The following PARVG variants were observed in gnomAD, a reference collection of about 807,000 sequenced individuals.
PARVG encodes parvin gamma.
PARVG carries 36 observed loss-of-function variants against 44.4 expected under a neutral mutation model. The observed-to-expected ratio is 0.81, with a 90% confidence interval of 0.62 to 1.07. The LOEUF is 1.07. PARVG is among the 50% of genes least tolerant of loss of function. The probability of loss-of-function intolerance (pLI) is 0.00; values close to 1 mark genes in which losing one functional copy is unlikely to be tolerated. For synonymous variants in PARVG, 170 were observed against 174.1 expected (o/e 0.98, Z 0.19); for missense variants, 407 against 407.4 (o/e 1.00, Z 0.01).
chr22:44,203,464 C>T (rs575029855), intron 12 of PARVG, among the ~76,000 whole-genome samples: 68 of 152,222 alleles, frequency 4.5e-4, no homozygotes, highest in African/African-American at 1.2e-3. Context: ...TTTCTAAAAA[C>T]GTTTGGCCAC....
Position 44,196,155 on chromosome 22 carries a change from A to G in PARVG, c.584A>G (p.Lys195Arg). Residue 195 changes from lysine (K) to arginine (R), a missense_variant and splice_region_variant, in exon 10 of 14, where the codon AAG (lysine) becomes AGG (arginine). By Grantham distance (26) the Lys-to-Arg change is conservative (BLOSUM62 2). Coordinates refer to ENST00000444313, the MANE Select transcript of PARVG (RefSeq NM_022141.7). ...EYSTDKDEPP[K>R]DVFDELFKLA... ...GTGTTTATTGGATCTGTGTCTGCAG[A>G]GGACGTCTTTGATGAATTATTTAAG... 1.2e-6 allele frequency: 2 copies of G among 1,614,164 alleles called. No homozygotes were observed. Among genetic ancestry groups the G allele is most frequent in the South Asian group, 2.2e-5 (2 of 91,080 alleles).
At chr22:44,187,713 C>T in intron 4 of PARVG, 63 bp from the exon 5 acceptor site, 1 of 1,515,300 alleles carries the variant, frequency 6.6e-7, no homozygotes, top group Non-Finnish European at 9.2e-7. Context: ...GCATTCTGAG[C>T]CAGGTGGAGG....
In PARVG at chr22:44,182,827, C is replaced by A. The variant is rs1266051611; in HGVS notation, c.-12-491C>A. 1.3e-5 allele frequency among the ~76,000 whole-genome samples: 2 copies of A among 152,184 alleles called. No homozygotes were observed. Among genetic ancestry groups the A allele is most frequent in the Non-Finnish European group, 2.9e-5 (2 of 68,024 alleles). ...GGAAGATGAACAGTGCCTCTGTCAACCCTGGCCCTTCCGGTTTATGGGATG... is the reference window on the plus strand; with the variant it reads ...GGAAGATGAACAGTGCCTCTGTCAAACCTGGCCCTTCCGGTTTATGGGATG... On this transcript the variant is annotated intron_variant, in intron 2 of 13. Coordinates refer to ENST00000444313, the MANE Select transcript of PARVG (RefSeq NM_022141.7). This position sits in a 1 kb window ranked among gnomAD's most constrained non-coding sequence, Gnocchi z 4.6.
chr22:44,189,118 G>T lies in PARVG; in HGVS notation c.252G>T (p.Arg84Ser). Residue 84 changes from arginine (R) to serine (S), a missense_variant, in exon 6 of 14, where the codon AGG (arginine) becomes AGT (serine). Arg to Ser is a moderately radical substitution (Grantham distance 110). Coordinates refer to ENST00000444313, the MANE Select transcript of PARVG (RefSeq NM_022141.7). ...ACCACCCTCTCCTGCCTCCAGAGAG[G>T]CTGGCGGCGCTCAAGCTGGAAGCAG... ...DGLILHHLFQ[R>S]LAALKLEAED... 1 of 1,613,510 alleles carries T rather than the reference G, an allele frequency of 6.2e-7. No homozygotes were observed. Among genetic ancestry groups the T allele is most frequent in the Non-Finnish European group, 8.5e-7 (1 of 1,179,972 alleles).
At chr22:44,205,711 G>A in intron 12 of PARVG, 46 bp from the exon 13 acceptor site, 1 of 1,607,568 alleles carries the variant, frequency 6.2e-7, no homozygotes, top group Non-Finnish European at 8.5e-7. Context: ...GGCCTGGCCT[G>A]GGGCTGCTGC....
chr22:44,192,665 C>A lies in PARVG; in HGVS notation c.560+561C>A, dbSNP rs1007274125. Among the ~76,000 whole-genome samples, 3 of 151,656 alleles carry A rather than the reference C, an allele frequency of 2.0e-5. 1 individual carries two copies. The highest frequency in any genetic ancestry group is 7.3e-5 in the African/African-American group (3 of 41,256). The stretch of plus-strand genomic sequence containing the variant: ...GCCCACTGGGCATGGCCACCTGCTC[C>A]CCACCTACTGGGGTTGACCATCCTG... On this transcript the variant is annotated intron_variant, in intron 8 of 13. Coordinates refer to ENST00000444313, the MANE Select transcript of PARVG (RefSeq NM_022141.7).
intron 11 of PARVG, among the ~76,000 whole-genome samples, chr22:44,197,498 C>A (rs888789138): frequency 6.6e-6 from 1 of 152,182 alleles, no homozygotes; most frequent in Non-Finnish European, 1.5e-5. Context: ...GTGCTTATAA[C>A]CACCTCACAT....
At chr22:44,189,085 G>T in intron 5 of PARVG, 29 bp from the exon 6 acceptor site, 1 of 1,613,510 alleles carries the variant, frequency 6.2e-7, no homozygotes, top group South Asian at 1.1e-5. Context: ...CCCCGGCCAG[G>T]GGTCCTCACC....
intron 9 of PARVG, among the ~76,000 whole-genome samples, chr22:44,194,714 TCATCCATC>T (rs377192868): frequency 0.014 from 1,685 of 118,564 alleles, 25 homozygotes; most frequent in African/African-American, 0.048. Flanking sequence ...ATCCACGCAT[TCATCCATC>T]CATCCATCCC....
chr22:44,201,154 A>G (rs1223797544), intron 12 of PARVG, among the ~76,000 whole-genome samples: 1 of 152,076 alleles, frequency 6.6e-6, no homozygotes, highest in Admixed American at 6.5e-5. Flanking sequence ...GCGGGCGGCC[A>G]GCTCTGCCCA....
chr22:44,189,263 G>A lies in PARVG; in HGVS notation c.388+9G>A, dbSNP rs1207796673. ...CAAGTGGAGCGTGGAGAGTACGTGG[G>A]CCACAACCTGGCTACCCCTGGGGAG... On this transcript the variant is annotated intron_variant, in intron 6 of 13. Coordinates refer to ENST00000444313, the MANE Select transcript of PARVG (RefSeq NM_022141.7). 1 of 1,613,604 alleles carries A rather than the reference G, an allele frequency of 6.2e-7. No individual in the cohort carries two copies. Among genetic ancestry groups the A allele is most frequent in the South Asian group, 1.1e-5 (1 of 91,044 alleles).
chr22:44,178,784 G>A (rs1310824930), upstream of PARVG, among the ~76,000 whole-genome samples: 1 of 150,164 alleles, frequency 6.7e-6, no homozygotes, highest in Non-Finnish European at 1.5e-5. Context: ...ATGGATCTTG[G>A]ATTAAAAAAA....
In PARVG at chr22:44,173,240, G is replaced by A. The variant is rs371278863; in HGVS notation, c.-189+49G>A. On this transcript the variant is annotated intron_variant, in intron 1 of 13. Coordinates refer to the PARVG transcript ENST00000422871. ...CCCTCTGCCTGGGTCCAGACCATAC[G>A]TGCACAAAGCTAGCGGCCAGGAGCA... The A allele has an allele frequency of 1.1e-5, 13 of 1,191,842 alleles. No homozygotes were observed. In the African/African-American group the frequency reaches 1.4e-4, roughly 13 times the overall value. 73.8% of individuals were successfully genotyped at this position (1,191,842 alleles called of 1,614,324 possible). A position where few individuals can be genotyped will look rare whatever the true frequency, so the allele number is the denominator to read the frequency against.
At chr22:44,176,954 C>T (rs1418622345), upstream of PARVG, among the ~76,000 whole-genome samples, 1 of 152,078 alleles carries the variant, frequency 6.6e-6, no homozygotes, top group African/African-American at 2.4e-5. Context: ...GACTTATTCA[C>T]CATCATGAGA....
rs1423430218 is a variant in PARVG at position 44,182,357 on chromosome 22, C to T, written c.-13+440C>T. ...GGACCCAGGCTTCCTGACGCCCAGG[C>T]CAGGCTCTTTCGTTTTCTCTGGCCA... On this transcript the variant is annotated intron_variant, in intron 2 of 13. Transcript: ENST00000444313. The surrounding 1 kb of genome is among the most constrained non-coding windows in gnomAD (Gnocchi z 4.6). Among the ~76,000 whole-genome samples the T allele has an allele frequency of 6.6e-6, 1 of 152,184 alleles. No individual in the cohort carries two copies. The highest frequency in any genetic ancestry group is 1.9e-4 in the East Asian group (1 of 5,176).
upstream of PARVG, among the ~76,000 whole-genome samples, chr22:44,178,002 T>A (rs1399364265): frequency 2.0e-5 from 3 of 152,188 alleles, no homozygotes; most frequent in Admixed American, 1.3e-4. Context: ...CAGGAATAAC[T>A]AGAAGCCTCC....
At chr22:44,190,164 T>C (rs1479291714) in intron 6 of PARVG, among the ~76,000 whole-genome samples, 1 of 152,172 alleles carries the variant, frequency 6.6e-6, no homozygotes, top group East Asian at 1.9e-4. Context: ...GCCTGTAAGG[T>C]CTCACAATCA....
intron 9 of PARVG, among the ~76,000 whole-genome samples, chr22:44,195,722 C>G (rs2054608688): frequency 6.6e-6 from 1 of 152,216 alleles, no homozygotes; most frequent in Non-Finnish European, 1.5e-5. Flanking sequence ...GATCACCCAC[C>G]TGTGGCAGCT....
chr22:44,206,019 T>A (rs1382528727), intron 13 of PARVG, among the ~76,000 whole-genome samples, 190 bp downstream of exon 13: 2 of 151,852 alleles, frequency 1.3e-5, no homozygotes, highest in African/African-American at 4.8e-5. Context: ...GGGGAAGAGG[T>A]TCTGGGGAGG....
Sources: gnomAD v4.1 joint callset for allele counts (sites outside exome capture counted in the v4.1 genomes callset) on GRCh38, gnomAD v4.1.1 for gene constraint, Gnocchi (gnomAD v3.1) non-coding constraint, MANE v1.5 for transcripts, NCBI Gene and HGNC (gene_info 2026-07-23, HGNC 2026-07-21) for gene names.